Variants in PRDM15 observed in about 807,000 individuals in gnomAD.
PRDM15 encodes PR domain zinc finger protein 15.
PRDM15 carries 64 observed loss-of-function variants against 128.6 expected under a neutral mutation model. That is an observed-to-expected ratio of 0.50 (90% CI 0.41 to 0.61). The LOEUF is 0.61. Ranked by LOEUF, PRDM15 falls within the 20% of genes least tolerant of loss-of-function variation. PRDM15 has a pLI of 0.00. For synonymous variants in PRDM15, 615 were observed against 621.8 expected (o/e 0.99, Z 0.16); for missense variants, 1,242 against 1,569.1 (o/e 0.79, Z 3.52).
At position 41,810,994 on chromosome 21, in the gene PRDM15, C is replaced by T. The variant is rs760416612; in HGVS notation, c.2393-158G>A. 2.3e-5 allele frequency: 14 copies of T among 605,898 alleles called. No individual in the cohort carries two copies. Among genetic ancestry groups the T allele is most frequent in the Non-Finnish European group, 3.2e-5 (11 of 339,434 alleles). 37.5% of individuals were successfully genotyped at this position (605,898 alleles called of 1,614,324 possible). On this transcript the variant is annotated intron_variant, in intron 19 of 23. Coordinates refer to ENST00000398548, the MANE Select transcript of PRDM15 (RefSeq NM_001040424.3). The surrounding 1 kb of genome is among the most constrained non-coding windows in gnomAD (Gnocchi z 6.4). The stretch of plus-strand genomic sequence containing the variant: ...GACAATGAACGCTCATCCCCAGCCT[C>T]GGCCAGCAAAGTGTGGCTTGGAAAG...
chr21:41,840,624 G>C (rs922330302), intron 6 of PRDM15, among the ~76,000 whole-genome samples: 1 of 151,798 alleles, frequency 6.6e-6, no homozygotes, highest in African/African-American at 2.4e-5. Context: ...ACAAAAGCAA[G>C]AAAAGTCCCA....
rs146139958 is a variant in PRDM15, at chr21:41,821,951, G to A, written c.1848C>T (p.Asp616=). ...ISSEENDDNS[D]ESADSEPHKY... ...TGTGAGGCTCCGAGTCTGCGCTCTC[G>A]TCAGAATTGTCATCGTTTTCTTCCG... The change falls in exon 15 of 24, where the codon GAC becomes GAT. Residue 616 remains aspartate (D), a synonymous_variant. Coordinates refer to ENST00000398548, the MANE Select transcript of PRDM15 (RefSeq NM_001040424.3). This position sits in a 1 kb window ranked among gnomAD's most constrained non-coding sequence, Gnocchi z 5.4. 106 of 1,614,038 alleles carry A rather than the reference G, an allele frequency of 6.6e-5. No homozygotes were observed. The highest frequency in any genetic ancestry group is 1.6e-4 in the Middle Eastern group (1 of 6,084).
At chr21:41,827,985 T>C (rs993755166) in intron 12 of PRDM15, among the ~76,000 whole-genome samples, 181 bp downstream of exon 12, 4 of 152,178 alleles carry the variant, frequency 2.6e-5, no homozygotes, top group Admixed American at 1.3e-4. Context: ...CTCAGCAACT[T>C]ACTCTCCTGA....
intron 1 of PRDM15, chr21:41,878,773 C>G: frequency 6.9e-7 from 1 of 1,450,022 alleles, no homozygotes; most frequent in South Asian, 1.3e-5. Flanking sequence ...TACCCGAGGG[C>G]GGGGGATAAC....
At chr21:41,805,876 C>T (rs2061549726) in intron 21 of PRDM15, among the ~76,000 whole-genome samples, 1 of 151,224 alleles carries the variant, frequency 6.6e-6, no homozygotes, top group Non-Finnish European at 1.5e-5. Flanking sequence ...AACACCATCA[C>T]CACCCCCTCC....
chr21:41,869,077 T>C (rs1415641851), intron 1 of PRDM15, among the ~76,000 whole-genome samples: 1 of 152,204 alleles, frequency 6.6e-6, no homozygotes, highest in Non-Finnish European at 1.5e-5. Flanking sequence ...CTTTGTCGCA[T>C]GTAGTTTGCA....
chr21:41,821,222 G>A lies in PRDM15; in HGVS notation c.1905C>T (p.Phe635=), dbSNP rs28475826. 8,751 of 1,614,092 alleles carry A rather than the reference G, an allele frequency of 5.4e-3. 394 individuals are homozygous for A. In the African/African-American group the frequency reaches 0.098, roughly 18 times the overall value. Reference sequence around the variant, plus strand: ...GCTTCAGGTACTCCTTCCCCCGGCCGAAGGTGAGCTGCGGGCCAGGTGGAC... The same window carrying A: ...GCTTCAGGTACTCCTTCCCCCGGCCAAAGGTGAGCTGCGGGCCAGGTGGAC... ...KYSCKRCQLT[F]GRGKEYLKHI... Residue 635 remains phenylalanine (F), a synonymous_variant, in exon 16 of 24, where the codon TTC becomes TTT. Transcript: ENST00000398548. This position sits in a 1 kb window ranked among gnomAD's most constrained non-coding sequence, Gnocchi z 5.4.
rs188739265 is a variant in PRDM15 at position 41,853,423 on chromosome 21, G to A, written c.538+1143C>T. 2.7e-4 allele frequency among the ~76,000 whole-genome samples: 41 copies of A among 152,250 alleles called. 1 individual carries two copies. The East Asian group carries it at 6.2e-3, about 23-fold the overall frequency. ...GGTCAGGAGAGTCAATATCTATTTCGCCCCCTTGAGCAAAGAATCTTCATG... is the reference window on the plus strand; with the variant it reads ...GGTCAGGAGAGTCAATATCTATTTCACCCCCTTGAGCAAAGAATCTTCATG... On this transcript the variant is annotated intron_variant, in intron 5 of 23. Coordinates refer to ENST00000398548, the MANE Select transcript of PRDM15 (RefSeq NM_001040424.3).
intron 12 of PRDM15, among the ~76,000 whole-genome samples, chr21:41,827,784 G>A (rs1284771678): frequency 2.6e-5 from 4 of 151,998 alleles, no homozygotes; most frequent in African/African-American, 9.7e-5. Flanking sequence ...CTCTTATACT[G>A]GTTTTTCCCA....
chr21:41,822,894 A>G (rs2146410413), intron 14 of PRDM15, among the ~76,000 whole-genome samples: 1 of 152,240 alleles, frequency 6.6e-6, no homozygotes, highest in African/African-American at 2.4e-5. Flanking sequence ...AATTAGCTGG[A>G]CATTATGGTG....
chr21:41,802,964 C>A, intron 22 of PRDM15, 43 bp from the exon 23 acceptor site: 1 of 1,553,906 alleles, frequency 6.4e-7, no homozygotes, highest in South Asian at 1.1e-5. Context: ...GTTAGTCGGT[C>A]ACGTCAGGCA....
chr21:41,806,756 C>A, intron 21 of PRDM15, among the ~76,000 whole-genome samples: 1 of 143,820 alleles, frequency 7.0e-6, no homozygotes, highest in East Asian at 2.0e-4. Flanking sequence ...CCATCACCAC[C>A]GCCACCACCA....
intron 11 of PRDM15, chr21:41,834,426 C>T: frequency 7.4e-7 from 1 of 1,359,316 alleles, no homozygotes; most frequent in Admixed American, 2.0e-5. Flanking sequence ...CGGGTGGCAC[C>T]TTAACAAGAA....
intron 11 of PRDM15, chr21:41,834,622 A>T: frequency 1.4e-5 from 20 of 1,408,568 alleles, no homozygotes; most frequent in Non-Finnish European, 1.9e-5. Flanking sequence ...CCCGCTGGGG[A>T]CCCCCACTGC....
Position 41,810,113 on chromosome 21 carries a change from C to A in PRDM15, c.2652+41G>T. 1 of 1,578,030 alleles carries A rather than the reference C, an allele frequency of 6.3e-7. No homozygotes were observed. On this transcript the variant is annotated intron_variant, in intron 21 of 23. Transcript: ENST00000398548. This position sits in a 1 kb window ranked among gnomAD's most constrained non-coding sequence, Gnocchi z 6.4. ...CAGCATGGGGGTGTCCGGTGCGCGG[C>A]CCGCTGGCGGGGCACGGAGGGGGCA...
In PRDM15 at chr21:41,801,693, C is replaced by T; in HGVS notation, c.2973G>A (p.Val991=). 6.2e-7 allele frequency: 1 copy of T among 1,613,878 alleles called. No homozygotes were observed. The highest frequency in any genetic ancestry group is 1.1e-5 in the South Asian group (1 of 91,052). ...QVVVTLGDPN[V]TTPSSSVGLT... is the part of the protein sequence containing the mutation. ...AGCCGACTGAGCTCGATGGTGTGGT[C>T]ACATTTGGGTCACCCAGGGTCACCA... Residue 991 remains valine, a synonymous_variant, in exon 24 of 24, where the codon GTG becomes GTA. Coordinates refer to ENST00000398548, the MANE Select transcript of PRDM15 (RefSeq NM_001040424.3).
intron 22 of PRDM15, 54 bp from the exon 23 acceptor site, chr21:41,802,975 G>C (rs900964161): frequency 1.1e-5 from 16 of 1,450,002 alleles, no homozygotes; most frequent in Non-Finnish European, 1.5e-5. Context: ...ACGTCAGGCA[G>C]CGGCCAGGGC....
chr21:41,857,738 T>C (rs1428479187), intron 3 of PRDM15, among the ~76,000 whole-genome samples: 3 of 152,140 alleles, frequency 2.0e-5, no homozygotes, highest in Admixed American at 6.5e-5. Flanking sequence ...GTAGCCTGGA[T>C]GACAGCACAG....
In PRDM15 at chr21:41,859,179, G is replaced by T. The variant is rs140958317; in HGVS notation, c.131+413C>A. 1 of 1,613,816 alleles carries T rather than the reference G, an allele frequency of 6.2e-7. No individual in the cohort carries two copies. The highest frequency in any genetic ancestry group is 8.5e-7 in the Non-Finnish European group (1 of 1,180,004). On this transcript the variant is annotated intron_variant, in intron 3 of 23. Coordinates refer to ENST00000398548, the MANE Select transcript of PRDM15 (RefSeq NM_001040424.3). The surrounding 1 kb of genome is among the most constrained non-coding windows in gnomAD (Gnocchi z 5.3). ...GCCCTGTCCCTGTCCTCATAACCCC[G>T]CATCCCCTGCCCCGCCTGGGTGTGC...
Sources: gnomAD v4.1 joint callset for allele counts (sites outside exome capture counted in the v4.1 genomes callset) on GRCh38, gnomAD v4.1.1 for gene constraint, Gnocchi (gnomAD v3.1) non-coding constraint, MANE v1.5 for transcripts, NCBI Gene and HGNC (gene_info 2026-07-23, HGNC 2026-07-21) for gene names.